The following DNM3 variants were observed in gnomAD, a reference collection of about 807,000 sequenced individuals.
DNM3 encodes dynamin 3.
DNM3 carries 47 observed loss-of-function variants against 101.6 expected under a neutral mutation model. The observed-to-expected ratio is 0.46, with a 90% CI of 0.37 to 0.59. The LOEUF is 0.59. DNM3 is among the 20% of genes least tolerant of loss of function. The pLI, the probability that DNM3 is intolerant of heterozygous loss-of-function variation, is 0.00. For synonymous variants in DNM3, 385 were observed against 387.9 expected (o/e 0.99, Z 0.09); for missense variants, 849 against 1,085.7 (o/e 0.78, Z 3.06).
chr1:172,301,896 T>C (rs1208636161), intron 15 of DNM3, among the ~76,000 whole-genome samples: 2 of 151,790 alleles, frequency 1.3e-5, no homozygotes, highest in African/African-American at 4.8e-5. Flanking sequence ...TATAAGAAAA[T>C]AAGGTTATGG....
intron 13 of DNM3, among the ~76,000 whole-genome samples, chr1:172,113,075 G>GATCAGTGGA (rs2055601522): frequency 6.6e-6 from 1 of 152,108 alleles, no homozygotes; most frequent in Non-Finnish European, 1.5e-5. Context: ...TGAATGTGGG[G>GATCAGTGGA]TATTTACTGA....
At chr1:171,939,087 G>T (rs559661386) in intron 2 of DNM3, among the ~76,000 whole-genome samples, 1 of 151,266 alleles carries the variant, frequency 6.6e-6, no homozygotes, top group South Asian at 2.1e-4. Flanking sequence ...TTTTTCCTTG[G>T]CTTAAGCATT....
intron 11 of DNM3, among the ~76,000 whole-genome samples, chr1:172,073,313 A>G (rs938865664): frequency 6.6e-6 from 1 of 151,960 alleles, no homozygotes; most frequent in African/African-American, 2.4e-5. Flanking sequence ...ATGTGTACAT[A>G]TTTGAACATA....
chr1:172,272,672 C>T (rs938577166), intron 15 of DNM3, among the ~76,000 whole-genome samples: 3 of 152,076 alleles, frequency 2.0e-5, no homozygotes, highest in Admixed American at 1.3e-4. Context: ...TTAGACTTGT[C>T]CATTTTAGGG....
At chr1:172,129,445 T>G (rs1280395361) in intron 13 of DNM3, among the ~76,000 whole-genome samples, 1 of 152,168 alleles carries the variant, frequency 6.6e-6, no homozygotes, top group Non-Finnish European at 1.5e-5. Flanking sequence ...GAAACCATAC[T>G]GTATTAGTCT....
intron 15 of DNM3, among the ~76,000 whole-genome samples, chr1:172,290,751 C>T (rs2063878616): frequency 6.6e-6 from 1 of 151,992 alleles, no homozygotes; most frequent in Non-Finnish European, 1.5e-5. Context: ...TGAACTAAGC[C>T]ACCTTTAAAT....
chr1:172,287,494 A>G (rs1382617374), intron 15 of DNM3, among the ~76,000 whole-genome samples: 4 of 152,232 alleles, frequency 2.6e-5, no homozygotes, highest in Non-Finnish European at 4.4e-5. Context: ...CACTTACAGT[A>G]AATGTGTTTT....
intron 13 of DNM3, among the ~76,000 whole-genome samples, chr1:172,099,110 A>G (rs1008640590): frequency 6.6e-6 from 1 of 152,214 alleles, no homozygotes; most frequent in Non-Finnish European, 1.5e-5. Flanking sequence ...AGAGAAGATG[A>G]GTTAGAGTTT....
intron 17 of DNM3, among the ~76,000 whole-genome samples, chr1:172,328,195 G>C (rs180787440): frequency 2.6e-5 from 4 of 152,252 alleles, no homozygotes; most frequent in South Asian, 4.1e-4. Flanking sequence ...GGTCGAAAAT[G>C]AAGTGACCTC....
At chr1:172,318,731 TA>T (rs1366883941) in intron 16 of DNM3, among the ~76,000 whole-genome samples, 3 of 152,000 alleles carry the variant, frequency 2.0e-5, no homozygotes, top group African/African-American at 4.8e-5. Flanking sequence ...CTCAATGAAA[TA>T]AAAGAGGACA....
chr1:172,055,555 G>C (rs2050538238), intron 10 of DNM3, among the ~76,000 whole-genome samples: 1 of 151,806 alleles, frequency 6.6e-6, no homozygotes, highest in Non-Finnish European at 1.5e-5. Flanking sequence ...ATAATTAAGG[G>C]ACCTTGAGAA....
intron 15 of DNM3, among the ~76,000 whole-genome samples, chr1:172,277,790 T>C (rs1410292747): frequency 6.6e-6 from 1 of 152,064 alleles, no homozygotes; most frequent in Non-Finnish European, 1.5e-5. Flanking sequence ...GTCATTGAAT[T>C]ATGTGACTGT....
At chr1:172,250,465 A>G (rs1223826211) in intron 14 of DNM3, among the ~76,000 whole-genome samples, 1 of 152,164 alleles carries the variant, frequency 6.6e-6, no homozygotes, top group Admixed American at 6.6e-5. Flanking sequence ...AAAGCTATTG[A>G]AAGTTCTGAA....
intron 16 of DNM3, among the ~76,000 whole-genome samples, chr1:172,314,029 C>T (rs1256051309): frequency 1.3e-5 from 2 of 151,590 alleles, no homozygotes; most frequent in African/African-American, 2.4e-5. Flanking sequence ...TTAGTTCAAC[C>T]ATTGTGGAAT....
chr1:172,365,867 TCTTAAGAGTAATGG>T (rs1418169649), intron 17 of DNM3, among the ~76,000 whole-genome samples: 1 of 151,922 alleles, frequency 6.6e-6, no homozygotes, highest in Non-Finnish European at 1.5e-5. Context: ...ACAGGATTTG[TCTTAAGAGTAATGG>T]CTTTAAAAAC....
chr1:172,361,420 A>G (rs1201690797), intron 17 of DNM3, among the ~76,000 whole-genome samples: 1 of 151,988 alleles, frequency 6.6e-6, no homozygotes, highest in Non-Finnish European at 1.5e-5. Context: ...TTCAGGCCTG[A>G]GACCATAAAT....
chr1:172,276,587 A>G (rs202230544), intron 15 of DNM3, among the ~76,000 whole-genome samples: 19 of 14,692 alleles, frequency 1.3e-3, no homozygotes, highest in Middle Eastern at 0.036. Flanking sequence ...GTGTGTGTGT[A>G]TAGGACTATG....
At chr1:172,236,224 C>T (rs1373995071) in intron 14 of DNM3, among the ~76,000 whole-genome samples, 2 of 152,148 alleles carry the variant, frequency 1.3e-5, no homozygotes, top group Non-Finnish European at 2.9e-5. Context: ...GCCCCTACCT[C>T]CAACCCATAG....
chr1:171,960,893 A>AT (rs1238652689), intron 2 of DNM3, among the ~76,000 whole-genome samples: 1 of 152,106 alleles, frequency 6.6e-6, no homozygotes, highest in East Asian at 1.9e-4. Context: ...TGATGACTTC[A>AT]TTTTTCTTAG....
Sources: allele counts gnomAD v4.1 joint callset (sites outside exome capture counted in the v4.1 genomes callset), GRCh38; gene constraint gnomAD v4.1.1; transcripts MANE v1.5; gene names NCBI Gene and HGNC (gene_info 2026-07-23, HGNC 2026-07-21).